The following MDGA2 variants were observed in gnomAD, a reference collection of about 807,000 sequenced individuals.
MDGA2 encodes MAM domain-containing glycosylphosphatidylinositol anchor protein 2.
A neutral mutation model predicts 117.8 loss-of-function variants in MDGA2; 40 were observed. That is an observed-to-expected ratio of 0.34 (90% confidence interval 0.26 to 0.44). The LOEUF (loss-of-function observed/expected upper bound fraction) is 0.44. MDGA2 is among the 20% of genes least tolerant of loss of function. MDGA2 has a pLI of 1.00. For synonymous variants in MDGA2, 452 were observed against 439.0 expected, an observed-to-expected ratio of 1.03 and a Z score of -0.37; for missense variants, 1,123 against 1,250.6, an observed-to-expected ratio of 0.90 and a Z score of 1.54.
chr14:46,989,998 T>C (rs928471857), intron 8 of MDGA2, among the ~76,000 whole-genome samples: 8 of 152,172 alleles, frequency 5.3e-5, no homozygotes, highest in Middle Eastern at 3.2e-3. Context: ...TTGTCTTTTA[T>C]AGGACAGGCT....
At chr14:47,282,851 G>A (rs1182868356) in intron 2 of MDGA2, among the ~76,000 whole-genome samples, 1 of 149,808 alleles carries the variant, frequency 6.7e-6, no homozygotes, top group African/African-American at 2.4e-5. Context: ...AGGAGGCTAA[G>A]GTTAGGAGGA....
intron 1 of MDGA2, among the ~76,000 whole-genome samples, chr14:47,385,225 T>C (rs1891730421): frequency 6.6e-6 from 1 of 152,062 alleles, no homozygotes; most frequent in African/African-American, 2.4e-5. Context: ...TAATTATAAC[T>C]ATATAAATAT....
chr14:46,877,948 G>A lies in MDGA2; in HGVS notation c.2417-439C>T, dbSNP rs907262873. Among the ~76,000 whole-genome samples the A allele has an allele frequency of 5.9e-5, 9 of 151,984 alleles. No homozygotes were observed. In the East Asian group the frequency reaches 1.2e-3, roughly 20 times the overall value. On this transcript the variant is annotated intron_variant, in intron 11 of 16. Coordinates refer to ENST00000399232, the MANE Select transcript of MDGA2 (RefSeq NM_001113498.3). ...TTGCTGTTTTCTACTTCTACTGAGA[G>A]TAAAGTAGAAAGTTCATGGCACAGA...
chr14:47,545,689 T>C (rs1422316815), intron 1 of MDGA2, among the ~76,000 whole-genome samples: 1 of 151,966 alleles, frequency 6.6e-6, no homozygotes, highest in Non-Finnish European at 1.5e-5. Flanking sequence ...ATCGTCATGG[T>C]CAAAGGAAAA....
Position 46,873,547 on chromosome 14 carries a change from C to T in MDGA2, c.2638G>A (p.Glu880Lys). ...IETSRPRLEG[E>K]KARLLSPVFS... ...ACAGGGCTGAGAAGTCGAGCCTTTTCGCCTTCCAATCTGGGTCGTGATGTC... is the reference window on the plus strand; with the variant it reads ...ACAGGGCTGAGAAGTCGAGCCTTTTTGCCTTCCAATCTGGGTCGTGATGTC... Residue 880 changes from glutamate (E) to lysine (K), a missense_variant, in exon 14 of 17, where the codon GAA becomes AAA. This residue lies in a region of MDGA2 where 890 missense variants were observed against 1,050.3 expected (regional missense o/e 0.85). Transcript: ENST00000399232. 3 of 1,612,420 alleles carry T rather than the reference C, an allele frequency of 1.9e-6. No individual in the cohort carries two copies. Among genetic ancestry groups the T allele is most frequent in the South Asian group, 1.1e-5 (1 of 91,042 alleles).
intron 1 of MDGA2, among the ~76,000 whole-genome samples, chr14:47,357,392 G>A (rs536211349): frequency 1.1e-4 from 16 of 152,324 alleles, no homozygotes; most frequent in Admixed American, 1.0e-3. Context: ...TCTCGAAAAT[G>A]TGCATATTTC....
At chr14:47,612,070 A>G (rs72670790) in intron 1 of MDGA2, among the ~76,000 whole-genome samples, 1,523 of 152,286 alleles carry the variant, frequency 0.01, 9 homozygotes, top group Non-Finnish European at 0.016. Flanking sequence ...AACTCCGGCT[A>G]TCTTATCTGG....
chr14:47,627,834 C>G (rs1897177152), intron 1 of MDGA2, among the ~76,000 whole-genome samples: 1 of 152,194 alleles, frequency 6.6e-6, no homozygotes, highest in African/African-American at 2.4e-5. Context: ...CTCTAACACT[C>G]ACTGTGAAGG....
chr14:47,061,452 C>A lies in MDGA2; in HGVS notation c.1322G>T (p.Ser441Ile). 6.2e-7 allele frequency: 1 copy of A among 1,613,556 alleles called. No individual in the cohort carries two copies. The change falls in exon 7 of 17, where the codon AGT becomes ATT. Residue 441 changes from serine (S) to isoleucine (I), a missense_variant. By Grantham distance (142) the Ser-to-Ile change is moderately radical. Transcript: ENST00000399232. The stretch of plus-strand genomic sequence containing the variant: ...TAATGGACGACCATTTTTAAACCAA[C>A]TAAATGTTAGCTCCTCAGAAGGAAC... The part of the protein sequence containing the change: ...EAVPSEELTF[S>I]WFKNGRPLRS...
In MDGA2 at chr14:47,393,099, T is replaced by C. The variant is rs1477018516; in HGVS notation, c.281-91549A>G. Among the ~76,000 whole-genome samples the C allele has an allele frequency of 4.0e-5, 6 of 149,412 alleles. No individual in the cohort carries two copies. The East Asian group carries it at 1.2e-3, about 29-fold the overall frequency. On this transcript the variant is annotated intron_variant, in intron 1 of 16. Transcript: ENST00000399232. ...CAAAGAAACCAGATAATTAAAATAA[T>C]AATAATAATAATAATAATAATAATT...
intron 1 of MDGA2, among the ~76,000 whole-genome samples, chr14:47,524,296 T>C (rs1198306764): frequency 6.6e-6 from 1 of 152,102 alleles, no homozygotes; most frequent in Non-Finnish European, 1.5e-5. Flanking sequence ...GCACAGAAAA[T>C]ACATTTAAAA....
chr14:47,077,389 T>C (rs1422294478), intron 6 of MDGA2, among the ~76,000 whole-genome samples: 1 of 152,136 alleles, frequency 6.6e-6, no homozygotes, highest in Non-Finnish European at 1.5e-5. Flanking sequence ...ATGAACTTTA[T>C]CATATGCAGT....
chr14:47,325,300 A>T (rs1210785061), intron 1 of MDGA2, among the ~76,000 whole-genome samples: 2 of 152,162 alleles, frequency 1.3e-5, no homozygotes, highest in South Asian at 4.1e-4. Context: ...CCCATAGGAG[A>T]TATCACAACC....
intron 3 of MDGA2, among the ~76,000 whole-genome samples, chr14:47,195,574 A>G (rs774153053): frequency 2.8e-4 from 43 of 152,094 alleles, no homozygotes; most frequent in Non-Finnish European, 2.9e-4. Context: ...AAATCAAGAA[A>G]TAACCTGGTG....
intron 3 of MDGA2, among the ~76,000 whole-genome samples, chr14:47,194,659 A>T (rs1442679269): frequency 6.6e-6 from 1 of 152,086 alleles, no homozygotes; most frequent in Non-Finnish European, 1.5e-5. Context: ...TACAGTATTG[A>T]ACTGAAGATT....
At chr14:47,005,683 AT>A (rs1389530374) in intron 8 of MDGA2, among the ~76,000 whole-genome samples, 27 of 151,656 alleles carry the variant, frequency 1.8e-4, no homozygotes, top group South Asian at 6.2e-4. Context: ...AATGTGTATA[AT>A]ATGACCTAAT....
intron 1 of MDGA2, among the ~76,000 whole-genome samples, chr14:47,603,175 A>G (rs866669723): frequency 3.9e-5 from 6 of 152,226 alleles, no homozygotes. Context: ...ATGCAGAGAC[A>G]GGCAATATTT....
rs17119007 is a variant in MDGA2, at chr14:47,648,832, A to G, written c.280+25685T>C. On this transcript the variant is annotated intron_variant, in intron 1 of 16. Transcript: ENST00000399232. ...AATCACTTAACTTTGGAATTTCTTCATGTTGTGTTCAACACTTCTTTCTTA... is the reference window on the plus strand; with the variant it reads ...AATCACTTAACTTTGGAATTTCTTCGTGTTGTGTTCAACACTTCTTTCTTA... Among the ~76,000 whole-genome samples, 1,005 of 152,256 alleles carry G rather than the reference A, an allele frequency of 6.6e-3. 9 individuals carry two copies. The highest frequency in any genetic ancestry group is 0.023 in the African/African-American group (951 of 41,578).
intron 14 of MDGA2, among the ~76,000 whole-genome samples, chr14:46,866,336 C>T (rs2138340079): frequency 6.6e-6 from 1 of 152,202 alleles, no homozygotes; most frequent in East Asian, 1.9e-4. Context: ...ACTGGCTAGC[C>T]ATATGTAGAA....
Sources: allele counts gnomAD v4.1 joint callset (sites outside exome capture counted in the v4.1 genomes callset), GRCh38; gene constraint gnomAD v4.1.1; regional missense constraint gnomAD v4.1.1; transcripts MANE v1.5; gene names NCBI Gene and HGNC (gene_info 2026-07-23, HGNC 2026-07-21).